PHF20: variants seen among roughly 807,000 people sequenced by gnomAD.
The protein encoded by PHF20 is glioma-expressed antigen 2.
PHF20 carries 23 observed loss-of-function variants against 113.5 expected under a neutral mutation model. The observed-to-expected ratio is 0.20, with a 90% CI of 0.15 to 0.29. The LOEUF is 0.29. PHF20 is among the 10% of genes least tolerant of loss of function. The pLI is 1.00. For synonymous variants in PHF20, 434 were observed against 457.3 expected (o/e 0.95, Z 0.65); for missense variants, 943 against 1,219.6 (o/e 0.77, Z 3.38).
At chr20:35,859,250 T>C (rs1156625833) in intron 5 of PHF20, among the ~76,000 whole-genome samples, 1 of 152,180 alleles carries the variant, frequency 6.6e-6, no homozygotes, top group Non-Finnish European at 1.5e-5. Flanking sequence ...ACTGGAAATA[T>C]GGTTTGCATA....
At chr20:35,868,666 C>G (rs2054362703) in intron 6 of PHF20, among the ~76,000 whole-genome samples, 1 of 152,158 alleles carries the variant, frequency 6.6e-6, no homozygotes, top group Non-Finnish European at 1.5e-5. Context: ...AAGTACTCTT[C>G]AAAGGCTTAG....
At chr20:35,814,508 C>T (rs1292717230) in intron 2 of PHF20, among the ~76,000 whole-genome samples, 8 of 151,270 alleles carry the variant, frequency 5.3e-5, no homozygotes, top group Admixed American at 3.3e-4. Context: ...TGAACCGCTG[C>T]GCCCGGCCTA....
At position 35,842,565 on chromosome 20, in the gene PHF20, TGAC is replaced by T; in HGVS notation, c.84-7_84-5del. 4 of 1,596,654 alleles carry T rather than the reference TGAC, an allele frequency of 2.5e-6. No individual in the cohort carries two copies. Among genetic ancestry groups the T allele is most frequent in the Middle Eastern group, 1.7e-4 (1 of 5,952 alleles). On this transcript the variant is annotated splice_polypyrimidine_tract_variant and splice_region_variant and intron_variant, in intron 2 of 17. Coordinates refer to ENST00000374012, the MANE Select transcript of PHF20 (RefSeq NM_016436.5). ...AAAGGAATGCCAATTTTTTTTTTTC[TGAC>T]TCAGGTATCCAGCTCACATAGAAGA...
intron 2 of PHF20, among the ~76,000 whole-genome samples, chr20:35,820,396 T>C (rs1209488014): frequency 1.3e-5 from 2 of 151,804 alleles, no homozygotes; most frequent in Non-Finnish European, 1.5e-5. Flanking sequence ...CAGACTGATA[T>C]ATATAGATAA....
chr20:35,917,689 C>A, intron 13 of PHF20, 27 bp downstream of exon 13: 1 of 1,594,562 alleles, frequency 6.3e-7, no homozygotes, highest in South Asian at 1.1e-5. Flanking sequence ...GGAAACAGGT[C>A]TAGAGAAGCA....
At chr20:35,909,334 A>T (rs1343557462) in intron 10 of PHF20, among the ~76,000 whole-genome samples, 1 of 151,860 alleles carries the variant, frequency 6.6e-6, no homozygotes, top group Admixed American at 6.6e-5. Context: ...AGGGGGTGTT[A>T]TCTGTCTTTG....
chr20:35,836,099 CTT>C (rs1427485782), intron 2 of PHF20, among the ~76,000 whole-genome samples: 1 of 152,120 alleles, frequency 6.6e-6, no homozygotes, highest in Non-Finnish European at 1.5e-5. Flanking sequence ...GCTTTGAACT[CTT>C]TGGCTCAAGT....
chr20:35,779,615 G>A (rs2041245692), intron 1 of PHF20, among the ~76,000 whole-genome samples: 1 of 151,744 alleles, frequency 6.6e-6, no homozygotes, highest in Non-Finnish European at 1.5e-5. Context: ...TGTCTCCTGG[G>A]TTCAAGCAAT....
intron 2 of PHF20, among the ~76,000 whole-genome samples, chr20:35,832,789 C>T (rs1023779855): frequency 2.0e-5 from 3 of 152,174 alleles, no homozygotes; most frequent in Admixed American, 6.5e-5. Flanking sequence ...GTGGCTCACG[C>T]CTGTATTCCC....
intron 9 of PHF20, chr20:35,878,671 T>C: frequency 1.3e-6 from 1 of 789,500 alleles, no homozygotes; most frequent in Non-Finnish European, 2.3e-6. Context: ...AAGGCTTTGT[T>C]GTAGGAGCAA....
At chr20:35,925,897 C>T (rs966555553) in intron 13 of PHF20, among the ~76,000 whole-genome samples, 5 of 151,610 alleles carry the variant, frequency 3.3e-5, no homozygotes, top group Admixed American at 1.3e-4. Context: ...CCGAGGCAGG[C>T]GGATCATGAG....
At chr20:35,829,190 A>G (rs2042314792) in intron 2 of PHF20, among the ~76,000 whole-genome samples, 1 of 152,184 alleles carries the variant, frequency 6.6e-6, no homozygotes, top group African/African-American at 2.4e-5. Flanking sequence ...TGCAGGGCAG[A>G]AGCAGCAGTG....
At chr20:35,772,688 G>A (rs764213823) in intron 1 of PHF20, among the ~76,000 whole-genome samples, 6 of 149,722 alleles carry the variant, frequency 4.0e-5, no homozygotes, top group Non-Finnish European at 7.4e-5. Flanking sequence ...ACCCTCTTCC[G>A]TCAGCCCCCA....
rs1568820848 is a variant in PHF20, at chr20:35,949,060, G to A, written c.*1433G>A. On this transcript the variant is annotated 3_prime_UTR_variant, in exon 18 of 18. Transcript: ENST00000374012. ...GCCTCTGTACTAAAATCTATTTCAG[G>A]GAATGTTCTGTCTAGTGATTTGCTC... The A allele has an allele frequency of 1.3e-5, 2 of 152,572 alleles. No homozygotes were observed. The highest frequency in any genetic ancestry group is 2.9e-5 in the Non-Finnish European group (2 of 68,016). The allele number at this position is 152,572 out of a possible 1,614,324, so 9.5% of individuals were successfully genotyped here. A position where few individuals can be genotyped will look rare whatever the true frequency, so the allele number is the denominator to read the frequency against.
chr20:35,773,078 C>T (rs1348731254), intron 1 of PHF20, among the ~76,000 whole-genome samples: 3 of 152,198 alleles, frequency 2.0e-5, no homozygotes, highest in Admixed American at 2.0e-4. Context: ...TTCCCCAAAT[C>T]AAACTACCTT....
intron 9 of PHF20, chr20:35,887,746 A>C (rs1283993669): frequency 6.6e-6 from 1 of 151,784 alleles, no homozygotes; most frequent in African/African-American, 2.4e-5. Flanking sequence ...AATACACCAA[A>C]GTGACAACTT....
intron 15 of PHF20, among the ~76,000 whole-genome samples, chr20:35,933,234 C>A (rs1004157503): frequency 2.2e-5 from 3 of 139,522 alleles, no homozygotes; most frequent in African/African-American, 5.3e-5. Context: ...TCAGCTCATT[C>A]TTTTTTTTTT....
At chr20:35,820,481 C>T in intron 2 of PHF20, among the ~76,000 whole-genome samples, 1 of 145,480 alleles carries the variant, frequency 6.9e-6, no homozygotes, top group African/African-American at 2.6e-5. Context: ...TGGAGTCTCA[C>T]TCTGCCACCC....
chr20:35,847,826 A>G lies in PHF20; in HGVS notation c.340+392A>G, dbSNP rs1355194267. ...TTAAAAAATGTGCTTTCTAGATGCA[A>G]GGTGACTGAGGGTGGTCTGTAACAT... On this transcript the variant is annotated intron_variant, in intron 4 of 17. Coordinates refer to ENST00000374012, the MANE Select transcript of PHF20 (RefSeq NM_016436.5). 2.6e-5 allele frequency among the ~76,000 whole-genome samples: 4 copies of G among 152,238 alleles called. No homozygotes were observed. The East Asian group carries it at 7.7e-4, about 29-fold the overall frequency.
Sources: gnomAD v4.1 joint callset for allele counts (sites outside exome capture counted in the v4.1 genomes callset) on GRCh38, gnomAD v4.1.1 for gene constraint, MANE v1.5 for transcripts, NCBI Gene and HGNC (gene_info 2026-07-23, HGNC 2026-07-21) for gene names.